The following CDKN2B-AS1 variants were observed in gnomAD, a reference collection of about 807,000 sequenced individuals.
CDKN2B-AS1 encodes CDKN2B antisense RNA 1 (non-protein coding).
At chr9:22,057,159 A>T (rs964392499) in intron 4 of CDKN2B-AS1, among the ~76,000 whole-genome samples, 7 of 152,148 alleles carry the variant, frequency 4.6e-5, no homozygotes, top group Admixed American at 4.6e-4. Flanking sequence ...TATTTTTAAA[A>T]TATTAATTTT....
In CDKN2B-AS1 at chr9:22,108,802, A is replaced by T. The variant is rs1278547040; in HGVS notation, n.439-18301A>T. On this transcript the variant is annotated intron_variant and non_coding_transcript_variant, in intron 4 of 4. Transcript: ENST00000650946. ...AGGTCATACTTTCTTGTTTTGGACT[A>T]CTACAAACACCACGGAGCAACAACA... 5.3e-5 allele frequency among the ~76,000 whole-genome samples: 8 copies of T among 152,340 alleles called. No homozygotes were observed. In the East Asian group the frequency reaches 1.4e-3, roughly 26 times the overall value.
At chr9:22,030,619 T>A (rs1210383793) in intron 1 of CDKN2B-AS1, 1 of 152,156 alleles carries the variant, frequency 6.6e-6, no homozygotes, top group Non-Finnish European at 1.5e-5. Flanking sequence ...TTACTCAGGC[T>A]TCAATTAAGT....
chr9:22,024,089 T>C (rs2131229408), intron 1 of CDKN2B-AS1, among the ~76,000 whole-genome samples: 1 of 152,310 alleles, frequency 6.6e-6, no homozygotes, highest in East Asian at 1.9e-4. Context: ...CCTTCAATCT[T>C]TGAGGTTGCT....
intron 3 of CDKN2B-AS1, among the ~76,000 whole-genome samples, chr9:22,055,086 G>T (rs1002991488): frequency 1.3e-5 from 2 of 152,082 alleles, no homozygotes; most frequent in Non-Finnish European, 2.9e-5. Flanking sequence ...ATTCATATTT[G>T]TTATTTATCA....
chr9:22,057,308 T>C (rs921568828), intron 4 of CDKN2B-AS1, among the ~76,000 whole-genome samples: 3 of 152,158 alleles, frequency 2.0e-5, no homozygotes, highest in African/African-American at 7.2e-5. Context: ...ACTCAGATGC[T>C]ATGGATTAGA....
chr9:22,084,030 T>C (rs920906520), intron 4 of CDKN2B-AS1, among the ~76,000 whole-genome samples: 13 of 152,234 alleles, frequency 8.5e-5, no homozygotes, highest in African/African-American at 3.1e-4. Flanking sequence ...AAATTTACAT[T>C]ACCTTTCTTA....
At chr9:22,062,320 A>G (rs1314367227) in intron 4 of CDKN2B-AS1, among the ~76,000 whole-genome samples, 1 of 152,216 alleles carries the variant, frequency 6.6e-6, no homozygotes, top group Non-Finnish European at 1.5e-5. Context: ...TATGTATACA[A>G]TTGAAGATAC....
chr9:22,082,998 G>T (rs573722450), intron 4 of CDKN2B-AS1, among the ~76,000 whole-genome samples: 1 of 152,276 alleles, frequency 6.6e-6, no homozygotes, highest in East Asian at 1.9e-4. Flanking sequence ...AGAAAAGAAG[G>T]CTGGTAGCAG....
intron 3 of CDKN2B-AS1, among the ~76,000 whole-genome samples, chr9:22,052,872 T>C (rs1055545468): frequency 9.8e-5 from 15 of 152,352 alleles, no homozygotes; most frequent in Admixed American, 7.2e-4. Context: ...CAAAGCCCCA[T>C]GCTGTCATTT....
Position 22,006,134 on chromosome 9 carries a change from C to G in CDKN2B-AS1, n.29+10973C>G. On this transcript the variant is annotated intron_variant and non_coding_transcript_variant, in intron 1 of 4. Coordinates refer to ENST00000650946, the Ensembl canonical transcript of CDKN2B-AS1. The surrounding 1 kb of genome is among the most constrained non-coding windows in gnomAD (Gnocchi z 6.4). ...GCACCACCAGCGTGTCCAGGAAGCC[C>G]TCCCGGGCAGCATCATGCACCGGTC... 1 of 1,611,524 alleles carries G rather than the reference C, an allele frequency of 6.2e-7. No individual in the cohort carries two copies. The highest frequency in any genetic ancestry group is 2.2e-5 in the East Asian group (1 of 44,870).
At chr9:22,118,342 A>G (rs1826010779) in intron 4 of CDKN2B-AS1, 1 of 151,914 alleles carries the variant, frequency 6.6e-6, no homozygotes, top group Non-Finnish European at 1.5e-5. Context: ...ACCCCACTCC[A>G]CTCCCTCTCA....
chr9:22,029,344 T>C, intron 1 of CDKN2B-AS1: 1 of 751,454 alleles, frequency 1.3e-6, no homozygotes, highest in Non-Finnish European at 2.5e-6. Context: ...CTGAAGTTTA[T>C]CTAATGGGAT....
At chr9:22,033,828 G>A (rs1250359297) in intron 1 of CDKN2B-AS1, among the ~76,000 whole-genome samples, 1 of 152,170 alleles carries the variant, frequency 6.6e-6, no homozygotes. Flanking sequence ...CCTACTACGT[G>A]CCAGATGCTT....
At chr9:22,081,275 CTTTTTTT>C (rs36049201) in intron 4 of CDKN2B-AS1, among the ~76,000 whole-genome samples, 1 of 124,516 alleles carries the variant, frequency 8.0e-6, no homozygotes, top group Admixed American at 7.9e-5. Context: ...TGTTCTTTAG[CTTTTTTT>C]TTTTTTTTTT....
rs552325425 is a variant in CDKN2B-AS1 at position 22,080,920 on chromosome 9, G to GT, written n.438+24540dup. 1.7e-4 allele frequency among the ~76,000 whole-genome samples: 26 copies of GT among 152,152 alleles called. No individual in the cohort carries two copies. In the East Asian group the frequency reaches 2.7e-3, roughly 16 times the overall value. On this transcript the variant is annotated intron_variant and non_coding_transcript_variant, in intron 4 of 4. Transcript: ENST00000650946. ...GTTCTTTTTATTTGAAATATTTTGT[G>GT]TTTTTTTGCATGAGAATTAGCCTAT...
At chr9:22,017,148 G>T (rs541839664) in intron 1 of CDKN2B-AS1, among the ~76,000 whole-genome samples, 4 of 152,008 alleles carry the variant, frequency 2.6e-5, no homozygotes, top group African/African-American at 9.7e-5. Flanking sequence ...GGAAGTTGGC[G>T]AGGCGCAGTG....
At chr9:22,009,315 G>C in intron 1 of CDKN2B-AS1, 1 of 422,242 alleles carries the variant, frequency 2.4e-6, no homozygotes, top group East Asian at 4.5e-5. Flanking sequence ...TGGGGAGCCA[G>C]CCGGCAAAGA....
chr9:22,102,667 C>T (rs1825525096), intron 4 of CDKN2B-AS1, among the ~76,000 whole-genome samples: 1 of 152,150 alleles, frequency 6.6e-6, no homozygotes, highest in Admixed American at 6.5e-5. Context: ...TTATAAGACA[C>T]TCACCTAAAA....
At chr9:22,064,917 A>G (rs1823977455) in intron 4 of CDKN2B-AS1, among the ~76,000 whole-genome samples, 1 of 152,190 alleles carries the variant, frequency 6.6e-6, no homozygotes, top group Non-Finnish European at 1.5e-5. Flanking sequence ...ATTTAATGCA[A>G]TTGTTTGTGG....
Sources: allele counts gnomAD v4.1 joint callset (sites outside exome capture counted in the v4.1 genomes callset), GRCh38; gene constraint gnomAD v4.1.1; non-coding constraint Gnocchi (gnomAD v3.1); transcripts MANE v1.5; gene names NCBI Gene and HGNC (gene_info 2026-07-23, HGNC 2026-07-21).